The following TAFA1 variants were observed in gnomAD, a reference collection of about 807,000 sequenced individuals.
TAFA1 encodes the protein TAFA chemokine like family member 1, also known as chemokine-like protein TAFA-1.
TAFA1 carries 4 observed loss-of-function variants against 18.5 expected under a neutral mutation model. The ratio of observed to expected loss-of-function variants is 0.22; its 90% confidence interval spans 0.11 to 0.49. The LOEUF is 0.49. Ranked by LOEUF, TAFA1 falls within the 20% of genes least tolerant of loss-of-function variation. The pLI is 0.98. For missense variants in TAFA1, 147 were observed against 169.0 expected (o/e 0.87, Z 0.72); for synonymous variants, 56 against 55.2 (o/e 1.01, Z -0.06).
chr3:68,084,617 G>A (rs1395974226), intron 2 of TAFA1, among the ~76,000 whole-genome samples: 1 of 152,108 alleles, frequency 6.6e-6, no homozygotes, highest in Non-Finnish European at 1.5e-5. Flanking sequence ...GGCTAACATG[G>A]TGAAACCCCA....
At chr3:68,525,902 G>A (rs1387411415) in intron 3 of TAFA1, among the ~76,000 whole-genome samples, 1 of 151,892 alleles carries the variant, frequency 6.6e-6, no homozygotes, top group African/African-American at 2.4e-5. Flanking sequence ...CTGTGAGCCA[G>A]GCAAATAGTG....
At chr3:68,335,645 G>A (rs72626982) in intron 2 of TAFA1, among the ~76,000 whole-genome samples, 6,174 of 152,070 alleles carry the variant, frequency 0.041, 263 homozygotes, top group East Asian at 0.26. Flanking sequence ...ACACATATAC[G>A]TAATGGTATC....
intron 3 of TAFA1, among the ~76,000 whole-genome samples, chr3:68,509,332 G>GA (rs2072812022): frequency 6.6e-6 from 1 of 152,056 alleles, no homozygotes. Flanking sequence ...TCAAGGTAGA[G>GA]AAAAAAGCAG....
intron 2 of TAFA1, among the ~76,000 whole-genome samples, chr3:68,308,358 A>C (rs1433365448): frequency 6.6e-6 from 1 of 152,164 alleles, no homozygotes; most frequent in African/African-American, 2.4e-5. Flanking sequence ...TTTATAATAA[A>C]TTAGAAACAC....
chr3:68,414,781 G>A (rs1044965321), intron 2 of TAFA1, among the ~76,000 whole-genome samples: 1 of 152,114 alleles, frequency 6.6e-6, no homozygotes, highest in Non-Finnish European at 1.5e-5. Context: ...AGGCGATCTG[G>A]CTTGTCTGTC....
chr3:68,499,872 T>C (rs1457820511), intron 3 of TAFA1, among the ~76,000 whole-genome samples: 1 of 151,462 alleles, frequency 6.6e-6, no homozygotes, highest in Non-Finnish European at 1.5e-5. Flanking sequence ...TTTTTTTTTT[T>C]TTTTTTAAGA....
intron 3 of TAFA1, among the ~76,000 whole-genome samples, chr3:68,531,875 T>C (rs962816477): frequency 6.6e-6 from 1 of 152,206 alleles, no homozygotes; most frequent in Middle Eastern, 3.4e-3. Context: ...TCTAACAGAG[T>C]TACTGCAAAG....
At chr3:68,266,813 A>T (rs974431710) in intron 2 of TAFA1, among the ~76,000 whole-genome samples, 20 of 152,130 alleles carry the variant, frequency 1.3e-4, no homozygotes, top group Admixed American at 3.9e-4. Context: ...TCTCTAGAGG[A>T]TGCTGCCCAA....
chr3:68,512,373 T>C (rs1238916637), intron 3 of TAFA1, among the ~76,000 whole-genome samples: 1 of 152,166 alleles, frequency 6.6e-6, no homozygotes, highest in East Asian at 1.9e-4. Context: ...TAAAGTAATG[T>C]ACTTTTAAAA....
intron 2 of TAFA1, among the ~76,000 whole-genome samples, chr3:68,388,251 C>G (rs2070147952): frequency 6.6e-6 from 1 of 151,970 alleles, no homozygotes; most frequent in Non-Finnish European, 1.5e-5. Context: ...TAGATGTGAA[C>G]TATATGTTTA....
intron 2 of TAFA1, among the ~76,000 whole-genome samples, chr3:68,121,249 ATGTG>A (rs67968765): frequency 0.048 from 7,104 of 147,944 alleles, 440 homozygotes; most frequent in African/African-American, 0.15. Context: ...ATGTACATTA[ATGTG>A]TGTGTGTGTG....
chr3:68,540,987 C>T (rs562605801), intron 4 of TAFA1, among the ~76,000 whole-genome samples: 1 of 152,288 alleles, frequency 6.6e-6, no homozygotes, highest in Non-Finnish European at 1.5e-5. Flanking sequence ...TGCTACCTCC[C>T]TGGGTGGGCT....
intron 2 of TAFA1, among the ~76,000 whole-genome samples, chr3:68,304,088 T>C (rs968410494): frequency 6.6e-6 from 1 of 152,156 alleles, no homozygotes; most frequent in African/African-American, 2.4e-5. Context: ...ATTGGATATT[T>C]AAATGTGGGA....
intron 3 of TAFA1, among the ~76,000 whole-genome samples, chr3:68,456,371 G>A (rs893975168): frequency 1.3e-5 from 2 of 151,982 alleles, no homozygotes; most frequent in Non-Finnish European, 2.9e-5. Context: ...TTTTTCCCCT[G>A]GAATAGGACA....
At position 68,088,587 on chromosome 3, in the gene TAFA1, G is replaced by A. The variant is rs147644057; in HGVS notation, c.118+81843G>A. Among the ~76,000 whole-genome samples the A allele has an allele frequency of 6.7e-3, 1,022 of 152,204 alleles. 3 individuals carry two copies. Among genetic ancestry groups the A allele is most frequent in the Non-Finnish European group, 0.011 (741 of 67,996 alleles). ...CAGTCTAGCAATTTTGAACCTGTGC[G>A]TTTTTCATTGTTTTTACTGGAAGTT... On this transcript the variant is annotated intron_variant, in intron 2 of 4. Coordinates refer to ENST00000478136, the MANE Select transcript of TAFA1 (RefSeq NM_213609.4).
chr3:68,540,595 T>C (rs2073356259), intron 4 of TAFA1, among the ~76,000 whole-genome samples: 1 of 152,238 alleles, frequency 6.6e-6, no homozygotes, highest in Non-Finnish European at 1.5e-5. Flanking sequence ...ATTGCTGATA[T>C]ATTTCCTGCC....
chr3:68,539,227 A>T (rs1398636109), intron 4 of TAFA1, among the ~76,000 whole-genome samples: 1 of 152,142 alleles, frequency 6.6e-6, no homozygotes. Flanking sequence ...ATTCATCCAG[A>T]TGGTTTGCTG....
intron 2 of TAFA1, among the ~76,000 whole-genome samples, chr3:68,414,000 G>A (rs1239699789): frequency 1.3e-5 from 2 of 151,944 alleles, no homozygotes; most frequent in Non-Finnish European, 2.9e-5. Flanking sequence ...GAAAGTCAAG[G>A]AGAGAGAGAG....
chr3:68,154,434 C>T (rs2065842290), intron 2 of TAFA1, among the ~76,000 whole-genome samples: 1 of 152,204 alleles, frequency 6.6e-6, no homozygotes. Context: ...CCTCCTGCTA[C>T]AATTATTACT....
Sources: allele counts gnomAD v4.1 joint callset (sites outside exome capture counted in the v4.1 genomes callset), GRCh38; gene constraint gnomAD v4.1.1; transcripts MANE v1.5; gene names NCBI Gene and HGNC (gene_info 2026-07-23, HGNC 2026-07-21).